NRK: variants seen among roughly 807,000 people sequenced by gnomAD.
The protein encoded by NRK is nik-related protein kinase.
NRK carries 67 observed loss-of-function variants against 125.2 expected under a neutral mutation model. The observed-to-expected ratio is 0.54, with a 90% CI of 0.44 to 0.66. The LOEUF (loss-of-function observed/expected upper bound fraction) is 0.66. Ranked by LOEUF, NRK falls within the 30% of genes least tolerant of loss-of-function variation. The pLI is 0.00. For missense variants in NRK, 1,224 were observed against 1,192.9 expected, an observed-to-expected ratio of 1.03 and a Z score of -0.38; for synonymous variants, 458 against 429.0, an observed-to-expected ratio of 1.07 and a Z score of -0.84.
intron 2 of NRK, among the ~76,000 whole-genome samples, chrX:105,843,977 CTGTGTGTGTGTG>C (rs751188822): frequency 2.2e-4 from 19 of 87,382 alleles, no homozygotes; most frequent in Non-Finnish European, 3.6e-4. Flanking sequence ...GTCCTGCACT[CTGTGTGTGTGTG>C]TGTGTGTGTG....
intron 4 of NRK, among the ~76,000 whole-genome samples, chrX:105,887,449 G>T (rs2039962116): frequency 8.9e-6 from 1 of 111,850 alleles, no homozygotes; most frequent in Non-Finnish European, 1.9e-5. Context: ...ATAGTGTAGA[G>T]AAAGTGGAAC....
rs2040973764 is a variant in NRK at position 105,956,089 on chromosome X, G to A, written c.*489G>A. On this transcript the variant is annotated 3_prime_UTR_variant, in exon 29 of 29. Transcript: ENST00000243300. The stretch of plus-strand genomic sequence containing the variant: ...AAATCTTAAAGATTATTATAACCCA[G>A]ACTAAGGTTGAACAACCTGCATGCC... 1 of 111,729 alleles carries A rather than the reference G, an allele frequency of 9.0e-6. No homozygotes were observed. Among genetic ancestry groups the A allele is most frequent in the Admixed American group, 9.6e-5 (1 of 10,471 alleles). 9.2% of individuals were successfully genotyped at this position (111,729 alleles called of 1,213,427 possible).
At position 105,900,599 on chromosome X, in the gene NRK, G is replaced by T; in HGVS notation, c.712-19G>T. 1 of 1,147,823 alleles carries T rather than the reference G, an allele frequency of 8.7e-7. No individual in the cohort carries two copies. The highest frequency in any genetic ancestry group is 1.2e-6 in the Non-Finnish European group (1 of 842,992). 94.6% of individuals were successfully genotyped at this position (1,147,823 alleles called of 1,213,427 possible). A position where few individuals can be genotyped will look rare whatever the true frequency, so the allele number is the denominator to read the frequency against. ...TTTCCTATTTTTAAGTGACTTTTTT[G>T]TCATCTTTGTCTTTGCAGAGTGATG... On this transcript the variant is annotated intron_variant, in intron 8 of 28. Coordinates refer to ENST00000243300, the MANE Select transcript of NRK (RefSeq NM_198465.4).
At chrX:105,909,922 AGAGAAAATGTGATAGCTCATGCGG>A in intron 13 of NRK, 40 bp downstream of exon 13, 1 of 1,056,818 alleles carries the variant, frequency 9.5e-7, no homozygotes, top group Non-Finnish European at 1.2e-6. Context: ...TCAAAAATGA[AGAGAAAATGTGATAGCTCATGCGG>A]ATGTTTTTTC....
At chrX:105,895,391 AAG>A (rs757744428) in intron 6 of NRK, 40 bp from the exon 7 acceptor site, 11 of 978,418 alleles carry the variant, frequency 1.1e-5, no homozygotes, top group Middle Eastern at 2.6e-4. Flanking sequence ...GAAAGAAAGA[AAG>A]AAATATATAC....
At position 105,909,093 on chromosome X, in the gene NRK, G is replaced by T. The variant is rs2040259102; in HGVS notation, c.1452G>T (p.Gln484His). The T allele has an allele frequency of 8.3e-7, 1 of 1,211,450 alleles. No individual in the cohort carries two copies. Among genetic ancestry groups the T allele is most frequent in the East Asian group, 3.0e-5 (1 of 33,790 alleles). ...AARVLMPLQA[Q>H]VRAPRLLQVQ... ...GGGTGCTCATGCCACTACAGGCACA[G>T]GTTAGGGCACCTAGGCTTCTGCAGG... The change falls in exon 13 of 29, where the codon CAG (glutamine) becomes CAT (histidine). Residue 484 changes from glutamine (Q) to histidine (H), a missense_variant. Coordinates refer to ENST00000243300, the MANE Select transcript of NRK (RefSeq NM_198465.4).
chrX:105,861,747 C>G (rs1282600814), intron 2 of NRK, among the ~76,000 whole-genome samples: 2 of 111,860 alleles, frequency 1.8e-5, no homozygotes. Flanking sequence ...ATTGTGCTTA[C>G]CATGAATTTG....
chrX:105,896,289 A>T (rs2040082103), intron 7 of NRK, among the ~76,000 whole-genome samples: 1 of 111,901 alleles, frequency 8.9e-6, no homozygotes, highest in Non-Finnish European at 1.9e-5. Context: ...AGGATAAGTC[A>T]CTTGCATTAT....
intron 21 of NRK, among the ~76,000 whole-genome samples, chrX:105,935,827 A>G (rs1345956678): frequency 9.4e-6 from 1 of 106,372 alleles, no homozygotes; most frequent in Non-Finnish European, 1.9e-5. Context: ...ATATATATAT[A>G]TATACACAAC....
At chrX:105,939,172 A>C (rs748281666) in intron 22 of NRK, among the ~76,000 whole-genome samples, 24 of 111,599 alleles carry the variant, frequency 2.2e-4, no homozygotes, top group Non-Finnish European at 3.8e-4. Flanking sequence ...GACTAATCAC[A>C]TAAGTAAGAA....
In NRK at chrX:105,909,183, C is replaced by T. The variant is rs1432208118; in HGVS notation, c.1542C>T (p.Asp514=). The stretch of plus-strand genomic sequence containing the variant: ...AGACATCAGAACCACAAGATTTGGA[C>T]CAGGTACCAGAGGAATTTCAGGGTC... ...QTQTSEPQDL[D]QVPEEFQGQD... The change falls in exon 13 of 29, where the codon GAC becomes GAT. Residue 514 remains aspartate (D), a synonymous_variant. Coordinates refer to ENST00000243300, the MANE Select transcript of NRK (RefSeq NM_198465.4). 2 of 1,210,452 alleles carry T rather than the reference C, an allele frequency of 1.7e-6. No individual in the cohort carries two copies. Among genetic ancestry groups the T allele is most frequent in the Admixed American group, 2.2e-5 (1 of 45,968 alleles).
At chrX:105,933,321 G>T (rs989546549) in intron 19 of NRK, among the ~76,000 whole-genome samples, 4 of 111,440 alleles carry the variant, frequency 3.6e-5, no homozygotes, top group Non-Finnish European at 7.5e-5. Context: ...AGAGGAAGTG[G>T]ATCTTCCTTT....
intron 2 of NRK, among the ~76,000 whole-genome samples, chrX:105,864,728 A>C (rs1196875403): frequency 9.0e-6 from 1 of 111,667 alleles, no homozygotes; most frequent in African/African-American, 3.3e-5. Flanking sequence ...TGTCCCAGTT[A>C]ATTTGGGAGA....
chrX:105,956,390 G>A lies in NRK; in HGVS notation c.*790G>A, dbSNP rs2040978570. On this transcript the variant is annotated 3_prime_UTR_variant, in exon 29 of 29. Coordinates refer to ENST00000243300, the MANE Select transcript of NRK (RefSeq NM_198465.4). ...CCTATACACGTGTACTGTAGAATGA[G>A]TATTTTTTAATACCTTAAGGTAGGC... The A allele has an allele frequency of 9.0e-6, 1 of 111,444 alleles. No individual in the cohort carries two copies. The highest frequency in any genetic ancestry group is 3.3e-5 in the African/African-American group (1 of 30,630). 9.2% of individuals were successfully genotyped at this position (111,444 alleles called of 1,213,427 possible). A position where few individuals can be genotyped will look rare whatever the true frequency, so the allele number is the denominator to read the frequency against.
chrX:105,935,555 A>G (rs1398166446), intron 21 of NRK, among the ~76,000 whole-genome samples: 4 of 109,323 alleles, frequency 3.7e-5, no homozygotes, highest in African/African-American at 1.3e-4. Flanking sequence ...ACCTGAGTTA[A>G]CTTGGATGGC....
At chrX:105,945,050 G>A (rs1432707651) in intron 24 of NRK, among the ~76,000 whole-genome samples, 2 of 111,726 alleles carry the variant, frequency 1.8e-5, no homozygotes, top group Admixed American at 1.9e-4. Flanking sequence ...TAGTAATGAG[G>A]GTTGACTAAA....
chrX:105,927,058 T>C (rs774900670), intron 19 of NRK, among the ~76,000 whole-genome samples: 1 of 111,244 alleles, frequency 9.0e-6, no homozygotes, highest in Non-Finnish European at 1.9e-5. Context: ...AGAATCTGGA[T>C]ATTGCTTGGG....
Position 105,909,633 on chromosome X carries a change from C to A in NRK, c.1992C>A (p.Thr664=), listed in dbSNP as rs371793705. 2.3e-4 allele frequency: 275 copies of A among 1,199,805 alleles called. No individual in the cohort carries two copies. Among genetic ancestry groups the A allele is most frequent in the Non-Finnish European group, 2.8e-4 (251 of 889,955 alleles). The change falls in exon 13 of 29, where the codon ACC becomes ACA. Residue 664 remains threonine, a synonymous_variant. Transcript: ENST00000243300. The part of the protein sequence containing the change: ...NNSKPLGPLQ[T]LMENLSSNRF... ...CAAAGCCACTTGGTCCGTTGCAAAC[C>A]CTGATGGAAAATCTGTCATCAAATA...
chrX:105,862,074 GATCTATCT>G (rs67834006), intron 2 of NRK, among the ~76,000 whole-genome samples: 17 of 107,066 alleles, frequency 1.6e-4, no homozygotes, highest in South Asian at 1.2e-3. Context: ...TCTATCTATT[GATCTATCT>G]ATCTATCTAT....
Sources: allele counts gnomAD v4.1 joint callset (sites outside exome capture counted in the v4.1 genomes callset), GRCh38; gene constraint gnomAD v4.1.1; transcripts MANE v1.5; gene names NCBI Gene and HGNC (gene_info 2026-07-23, HGNC 2026-07-21).